The following ZNF789 variants were observed in gnomAD, a reference collection of about 807,000 sequenced individuals.
The protein encoded by ZNF789 is zinc finger protein 789.
In ZNF789, 11 loss-of-function variants were observed where a neutral mutation model predicts 15.6. The observed-to-expected ratio is 0.70, with a 90% confidence interval of 0.44 to 1.16. The LOEUF is 1.16. ZNF789 is among the 50% of genes most tolerant of loss of function. The probability of loss-of-function intolerance (pLI) is 0.00; values close to 1 mark genes in which losing one functional copy is unlikely to be tolerated. For missense variants in ZNF789, 461 were observed against 512.6 expected (o/e 0.90, Z 0.97); for synonymous variants, 159 against 176.0 (o/e 0.90, Z 0.76).
At chr7:99,475,800 TTC>T (rs1799298509) in intron 1 of ZNF789, among the ~76,000 whole-genome samples, 1 of 133,800 alleles carries the variant, frequency 7.5e-6, no homozygotes, top group Admixed American at 7.3e-5. Context: ...GTGCTATTTT[TTC>T]TTTCTTTTTT....
chr7:99,473,418 A>G (rs1331645956), intron 1 of ZNF789, among the ~76,000 whole-genome samples: 1 of 152,174 alleles, frequency 6.6e-6, no homozygotes, highest in African/African-American at 2.4e-5. Context: ...CAGCTGGCAA[A>G]TTGTTCCAAT....
intron 3 of ZNF789, among the ~76,000 whole-genome samples, chr7:99,482,490 G>T (rs62471899): frequency 0.013 from 1,941 of 152,266 alleles, 26 homozygotes; most frequent in Non-Finnish European, 0.022. Context: ...TTGGATTAGG[G>T]ATGTTCAAAC....
chr7:99,479,546 G>C, intron 2 of ZNF789, 115 bp from the exon 3 acceptor site: 1 of 1,261,188 alleles, frequency 7.9e-7, no homozygotes, highest in Non-Finnish European at 1.1e-6. Context: ...CTTATGAATT[G>C]GGTGCCCTTG....
chr7:99,481,973 T>TA, intron 3 of ZNF789: 1 of 595,322 alleles, frequency 1.7e-6, no homozygotes. Flanking sequence ...AAGAATCCCT[T>TA]ATCCAAAATG....
chr7:99,483,996 AACGGCC>A, intron 3 of ZNF789, 28 bp from the exon 4 acceptor site: 1 of 1,580,120 alleles, frequency 6.3e-7, no homozygotes, highest in Non-Finnish European at 8.7e-7. Context: ...GTAACTCACT[AACGGCC>A]ACATCCCATT....
At chr7:99,474,074 C>T (rs1051973422) in intron 1 of ZNF789, among the ~76,000 whole-genome samples, 1 of 152,146 alleles carries the variant, frequency 6.6e-6, no homozygotes, top group African/African-American at 2.4e-5. Flanking sequence ...GGCCTAGGGC[C>T]GTACCCAAAA....
intron 2 of ZNF789, chr7:99,478,285 C>A: frequency 1.6e-6 from 2 of 1,289,274 alleles, no homozygotes; most frequent in Admixed American, 4.6e-5. Context: ...TGCGGGAATG[C>A]AGATGGCTGA....
Position 99,479,777 on chromosome 7 carries a change from G to C in ZNF789, c.141G>C (p.Met47Ile), listed in dbSNP as rs745311386. ...RDVMLENYRN[M>I]VLLGFQFPKP... ...TGATGTTGGAGAACTACAGGAACAT[G>C]GTCTTGCTGGGTAGGACACGGCTTG... is the stretch of plus-strand genomic sequence containing the variant. Residue 47 changes from methionine to isoleucine, a missense_variant, in exon 3 of 5, where the codon ATG (methionine) becomes ATC (isoleucine). Met to Ile is a conservative substitution (Grantham distance 10). Transcript: ENST00000331410. 1.2e-6 allele frequency: 2 copies of C among 1,613,440 alleles called. No individual in the cohort carries two copies. The highest frequency in any genetic ancestry group is 1.7e-6 in the Non-Finnish European group (2 of 1,179,684).
intron 4 of ZNF789, chr7:99,485,087 C>T (rs1321446756): frequency 4.0e-6 from 5 of 1,244,370 alleles, no homozygotes; most frequent in Non-Finnish European, 5.5e-6. Flanking sequence ...CCCTTGATTC[C>T]ACCCTCATTA....
chr7:99,474,117 C>CT (rs1473262532), intron 1 of ZNF789, among the ~76,000 whole-genome samples: 2 of 152,232 alleles, frequency 1.3e-5, no homozygotes, highest in African/African-American at 4.8e-5. Flanking sequence ...ATTAGCAAGT[C>CT]TGACATTCAG....
At chr7:99,474,981 C>CA (rs58636014) in intron 1 of ZNF789, among the ~76,000 whole-genome samples, 8,905 of 137,846 alleles carry the variant, frequency 0.065, 778 homozygotes, top group African/African-American at 0.21. Flanking sequence ...GGAGACTCCT[C>CA]AAAAAAAAAA....
intron 2 of ZNF789, 105 bp from the exon 3 acceptor site, chr7:99,479,556 G>A: frequency 2.2e-6 from 3 of 1,380,054 alleles, no homozygotes; most frequent in Non-Finnish European, 2.9e-6. Context: ...GGGTGCCCTT[G>A]GCCCACACTC....
At chr7:99,479,877 AAAG>A (rs763108657) in intron 3 of ZNF789, 90 bp downstream of exon 3, 1 of 1,467,002 alleles carries the variant, frequency 6.8e-7, no homozygotes. Context: ...AGAATCAGAA[AAAG>A]CGGTGAAAAC....
At chr7:99,480,917 T>A (rs1320969072) in intron 3 of ZNF789, 1 of 152,226 alleles carries the variant, frequency 6.6e-6, no homozygotes, top group Non-Finnish European at 1.5e-5. Flanking sequence ...TCCACCCACC[T>A]CTGGATTTTT....
chr7:99,481,846 A>G (rs546086494), intron 3 of ZNF789: 8 of 286,776 alleles, frequency 2.8e-5, no homozygotes, highest in African/African-American at 1.6e-4. Context: ...TGGAAAATAC[A>G]TCAGTAAATA....
intron 3 of ZNF789, chr7:99,481,854 ATAGAG>A (rs1799646700): frequency 3.0e-6 from 1 of 337,900 alleles, no homozygotes; most frequent in African/African-American, 2.1e-5. Context: ...ACATCAGTAA[ATAGAG>A]TAGATAATAA....
At chr7:99,477,722 G>C (rs1295438342) in intron 2 of ZNF789, among the ~76,000 whole-genome samples, 1 of 152,178 alleles carries the variant, frequency 6.6e-6, no homozygotes, top group Admixed American at 6.5e-5. Flanking sequence ...GAGGGGGGTG[G>C]ATTGCCTGAG....
chr7:99,487,159 G>C lies in ZNF789; in HGVS notation c.949G>C (p.Glu317Gln), dbSNP rs1247791167. 1.2e-6 allele frequency: 2 copies of C among 1,614,134 alleles called. No individual in the cohort carries two copies. Among genetic ancestry groups the C allele is most frequent in the Non-Finnish European group, 1.7e-6 (2 of 1,180,038 alleles). Residue 317 changes from glutamate to glutamine, a missense_variant, in exon 5 of 5, where the codon GAG becomes CAG. Coordinates refer to ENST00000331410, the MANE Select transcript of ZNF789 (RefSeq NM_213603.3). The stretch of plus-strand genomic sequence containing the variant: ...TGGAGAAAAACGCCATAAATGCCTT[G>C]AGTGTGGAAAAGCCTTTGGCCGGCA... ...HSGEKRHKCL[E>Q]CGKAFGRHST...
intron 1 of ZNF789, among the ~76,000 whole-genome samples, chr7:99,474,312 G>A (rs1353383267): frequency 6.6e-6 from 1 of 151,992 alleles, no homozygotes; most frequent in African/African-American, 2.4e-5. Flanking sequence ...GAAAGTTTAC[G>A]AGCCGGGCGC....
Sources: allele counts gnomAD v4.1 joint callset (sites outside exome capture counted in the v4.1 genomes callset), GRCh38; gene constraint gnomAD v4.1.1; transcripts MANE v1.5; gene names NCBI Gene and HGNC (gene_info 2026-07-23, HGNC 2026-07-21).